The following COL9A1 variants were observed in gnomAD, a reference collection of about 807,000 sequenced individuals.
COL9A1 encodes the protein collagen type IX alpha 1 chain.
COL9A1 carries 104 observed loss-of-function variants against 142.6 expected under a neutral mutation model. The ratio of observed to expected loss-of-function variants is 0.73; its 90% CI spans 0.62 to 0.86. COL9A1 has a LOEUF of 0.86. Ranked by LOEUF, COL9A1 falls within the 40% of genes least tolerant of loss-of-function variation. The pLI, the probability that COL9A1 is intolerant of heterozygous loss-of-function variation, is 0.00. For missense variants in COL9A1, 1,210 were observed against 1,176.6 expected (o/e 1.03, Z -0.42); for synonymous variants, 466 against 396.0 (o/e 1.18, Z -2.10).
chr6:70,226,303 C>T (rs543067461), intron 36 of COL9A1, among the ~76,000 whole-genome samples: 107 of 152,186 alleles, frequency 7.0e-4, no homozygotes, highest in African/African-American at 2.4e-3. Flanking sequence ...TTCCTAAACA[C>T]GAAAAATATA....
chr6:70,254,793 C>T (rs1771170312), intron 24 of COL9A1, 170 bp downstream of exon 24: 1 of 727,658 alleles, frequency 1.4e-6, no homozygotes, highest in Admixed American at 2.3e-5. Context: ...AATAATTATA[C>T]TATTCTAGTA....
chr6:70,240,530 C>T (rs534945386), intron 32 of COL9A1, among the ~76,000 whole-genome samples, 159 bp downstream of exon 32: 2 of 151,622 alleles, frequency 1.3e-5, no homozygotes, highest in East Asian at 3.9e-4. Flanking sequence ...GGAGAAACAT[C>T]ATAACCTTTA....
At chr6:70,257,780 G>A (rs1771415711) in intron 20 of COL9A1, among the ~76,000 whole-genome samples, 1 of 152,080 alleles carries the variant, frequency 6.6e-6, no homozygotes, top group Admixed American at 6.5e-5. Flanking sequence ...TAACGATGAA[G>A]GCCATGGAGC....
chr6:70,229,153 G>T (rs1210213500), intron 36 of COL9A1, among the ~76,000 whole-genome samples: 2 of 152,112 alleles, frequency 1.3e-5, no homozygotes, highest in Non-Finnish European at 2.9e-5. Flanking sequence ...ATCAGTCAGA[G>T]AAAAACAAGT....
chr6:70,286,924 A>T (rs1385722019), intron 5 of COL9A1, among the ~76,000 whole-genome samples: 1 of 152,246 alleles, frequency 6.6e-6, no homozygotes, highest in Non-Finnish European at 1.5e-5. Flanking sequence ...GTATTTTCAT[A>T]TAACACATTC....
chr6:70,285,524 A>C (rs559300287), intron 5 of COL9A1, among the ~76,000 whole-genome samples: 1 of 152,366 alleles, frequency 6.6e-6, no homozygotes, highest in South Asian at 2.1e-4. Context: ...AGTATATGTG[A>C]AAAATAATTT....
chr6:70,288,535 A>C (rs956296483), intron 5 of COL9A1, among the ~76,000 whole-genome samples: 2 of 152,164 alleles, frequency 1.3e-5, no homozygotes, highest in Non-Finnish European at 2.9e-5. Flanking sequence ...CACAGTGTGA[A>C]AGCCAAAGTA....
chr6:70,258,446 T>C (rs1438935423), intron 20 of COL9A1: 1 of 152,152 alleles, frequency 6.6e-6, no homozygotes, highest in Non-Finnish European at 1.5e-5. Flanking sequence ...CAGACATAGG[T>C]AGAATCAAAG....
intron 20 of COL9A1, among the ~76,000 whole-genome samples, 160 bp from the exon 21 acceptor site, chr6:70,256,981 G>A (rs1261542624): frequency 1.3e-5 from 2 of 151,284 alleles, no homozygotes; most frequent in East Asian, 1.9e-4. Context: ...GGCACCTCAG[G>A]TAAACTTGTT....
chr6:70,234,149 A>C (rs1769734737), intron 35 of COL9A1, among the ~76,000 whole-genome samples: 1 of 152,220 alleles, frequency 6.6e-6, no homozygotes. Context: ...ATGTAGAGAA[A>C]GCCTAGGTCA....
chr6:70,271,791 T>G, intron 13 of COL9A1, 83 bp from the exon 14 acceptor site: 1 of 1,336,980 alleles, frequency 7.5e-7, no homozygotes, highest in African/African-American at 1.5e-5. Flanking sequence ...TGATAAATAT[T>G]AGATTTACAT....
At chr6:70,279,697 A>T (rs1048553714) in intron 10 of COL9A1, 2 of 266,296 alleles carry the variant, frequency 7.5e-6, no homozygotes, top group African/African-American at 4.5e-5. Context: ...AACGCTAAAT[A>T]GTATAGACAC....
At chr6:70,230,637 C>T (rs1326672354) in intron 36 of COL9A1, among the ~76,000 whole-genome samples, 1 of 152,178 alleles carries the variant, frequency 6.6e-6, no homozygotes, top group Non-Finnish European at 1.5e-5. Context: ...AGAGCCAACC[C>T]AACCCAGCCT....
chr6:70,241,566 A>C (rs1437301284), intron 30 of COL9A1, 112 bp from the exon 31 acceptor site: 1 of 877,524 alleles, frequency 1.1e-6, no homozygotes, highest in Non-Finnish European at 1.9e-6. Context: ...GTGATGGGAG[A>C]GGACGTTCCC....
intron 28 of COL9A1, among the ~76,000 whole-genome samples, chr6:70,247,044 T>C (rs1770652207): frequency 1.3e-5 from 2 of 152,368 alleles, no homozygotes; most frequent in South Asian, 4.1e-4. Flanking sequence ...TATATTGATC[T>C]GAGGTAATTA....
rs943024642 is a variant in COL9A1 at position 70,281,032 on chromosome 6, C to T, written c.884G>A (p.Arg295Gln). ...VPGIDGIDGD[R>Q]GPKGPPGPPG... ...GGGGCCCGGGGGGCCCTTAGGACCT[C>T]GGTCACCCTGGAGGGGTAGGAGAAA... The change falls in exon 9 of 38, where the codon CGA (arginine) becomes CAA (glutamine). Residue 295 changes from arginine (R) to glutamine (Q), a missense_variant. Transcript: ENST00000357250. The T allele has an allele frequency of 1.9e-6, 3 of 1,611,612 alleles. No homozygotes were observed. The highest frequency in any genetic ancestry group is 2.2e-5 in the East Asian group (1 of 44,730).
chr6:70,285,712 A>G (rs935125768), intron 5 of COL9A1, among the ~76,000 whole-genome samples: 1 of 152,342 alleles, frequency 6.6e-6, no homozygotes, highest in African/African-American at 2.4e-5. Flanking sequence ...AAGTAAATAA[A>G]TAAATAAGTT....
In COL9A1 at chr6:70,282,879, C is replaced by T. The variant is rs540401330; in HGVS notation, c.801+19G>A. 1.2e-6 allele frequency: 2 copies of T among 1,614,100 alleles called. No individual in the cohort carries two copies. The highest frequency in any genetic ancestry group is 1.7e-6 in the Non-Finnish European group (2 of 1,180,054). On this transcript the variant is annotated intron_variant, in intron 7 of 37. Transcript: ENST00000357250. ...CGTGTGCGCTTGAAAAATGCAAACACTCCCTGCCCCCAACTTACCTCGTCG... is the reference window on the plus strand; with the variant it reads ...CGTGTGCGCTTGAAAAATGCAAACATTCCCTGCCCCCAACTTACCTCGTCG...
intron 16 of COL9A1, 76 bp downstream of exon 16, chr6:70,269,557 T>C: frequency 2.0e-6 from 2 of 1,025,340 alleles, no homozygotes; most frequent in Non-Finnish European, 3.1e-6. Flanking sequence ...CAGGGAAATC[T>C]TTTAAAGAAA....
Sources: allele counts gnomAD v4.1 joint callset (sites outside exome capture counted in the v4.1 genomes callset), GRCh38; gene constraint gnomAD v4.1.1; transcripts MANE v1.5; gene names NCBI Gene and HGNC (gene_info 2026-07-23, HGNC 2026-07-21).